Variants in RBFOX1 observed in about 807,000 individuals in gnomAD.
RBFOX1 encodes the protein RNA binding fox-1 homolog 1, also known as RNA binding protein fox-1 homolog 1.
In RBFOX1, 8 loss-of-function variants were observed where a neutral mutation model predicts 57.7. That is an observed-to-expected ratio of 0.14 (90% CI 0.08 to 0.25). RBFOX1 has a LOEUF of 0.25. Among genes scored for constraint, RBFOX1 ranks in the 10% least tolerant of loss-of-function variants. The pLI, the probability that RBFOX1 is intolerant of heterozygous loss-of-function variation, is 1.00. For missense variants in RBFOX1, 611 were observed against 548.5 expected, an observed-to-expected ratio of 1.11 and a Z score of -1.14; for synonymous variants, 326 against 222.4, an observed-to-expected ratio of 1.47 and a Z score of -4.15.
At chr16:6,695,413 CAAA>C (rs71145278) in intron 3 of RBFOX1, among the ~76,000 whole-genome samples, 220 of 109,060 alleles carry the variant, frequency 2.0e-3, no homozygotes, top group East Asian at 0.01. Context: ...GAAACTCTGT[CAAA>C]AAAAAAAAAA....
intron 4 of RBFOX1, among the ~76,000 whole-genome samples, chr16:7,209,467 A>G (rs1360868979): frequency 6.6e-6 from 1 of 152,150 alleles, no homozygotes; most frequent in Non-Finnish European, 1.5e-5. Context: ...TTGGATAATA[A>G]CCTCAAGGCC....
chr16:5,966,520 C>T (rs2059846581), intron 4 of RBFOX1, among the ~76,000 whole-genome samples: 1 of 152,174 alleles, frequency 6.6e-6, no homozygotes, highest in Admixed American at 6.5e-5. Context: ...CGCAATGGCG[C>T]GTTCTCGGCT....
At chr16:7,172,469 C>A (rs987564772) in intron 4 of RBFOX1, among the ~76,000 whole-genome samples, 1 of 152,182 alleles carries the variant, frequency 6.6e-6, no homozygotes, top group Non-Finnish European at 1.5e-5. Flanking sequence ...CCCACAACCA[C>A]CCTTTGATCC....
intron 3 of RBFOX1, among the ~76,000 whole-genome samples, chr16:6,999,127 C>T (rs1364689000): frequency 1.3e-5 from 2 of 151,396 alleles, no homozygotes; most frequent in African/African-American, 4.8e-5. Context: ...CCTCTGCCTC[C>T]CAAAGTACAG....
rs551035651 is a variant in RBFOX1, at chr16:6,973,221, C to T, written c.-15-78836C>T. On this transcript the variant is annotated intron_variant, in intron 3 of 15. Coordinates refer to ENST00000550418, the MANE Select transcript of RBFOX1 (RefSeq NM_018723.4). Reference sequence around the variant, plus strand: ...GGTGGGGGGCGGGGTTGGAGGATATCAGGGGTTCTTCCCCATTAATAGCAT... The same window carrying T: ...GGTGGGGGGCGGGGTTGGAGGATATTAGGGGTTCTTCCCCATTAATAGCAT... Among the ~76,000 whole-genome samples, 11 of 152,058 alleles carry T rather than the reference C, an allele frequency of 7.2e-5. No homozygotes were observed. The East Asian group carries it at 7.7e-4, about 11-fold the overall frequency.
chr16:6,655,403 AGAG>A (rs748682537), intron 3 of RBFOX1, among the ~76,000 whole-genome samples: 49 of 127,536 alleles, frequency 3.8e-4, no homozygotes, highest in South Asian at 9.1e-4. Context: ...AAAAAAAAAA[AGAG>A]CTCGCGCTCA....
At chr16:6,885,709 T>TC (rs1181781993) in intron 3 of RBFOX1, among the ~76,000 whole-genome samples, 1 of 152,022 alleles carries the variant, frequency 6.6e-6, no homozygotes, top group African/African-American at 2.4e-5. Flanking sequence ...TTTTTCTATC[T>TC]TTAGTAGAGA....
chr16:5,908,484 C>T (rs1376939236), intron 4 of RBFOX1, among the ~76,000 whole-genome samples: 1 of 151,796 alleles, frequency 6.6e-6, no homozygotes, highest in Non-Finnish European at 1.5e-5. Context: ...TCCCAAGTAG[C>T]AGGGATTACA....
At chr16:6,504,035 T>C (rs931593101) in intron 2 of RBFOX1, among the ~76,000 whole-genome samples, 4 of 152,240 alleles carry the variant, frequency 2.6e-5, no homozygotes, top group African/African-American at 9.6e-5. Context: ...ATCTTTCTTA[T>C]CTTTTATTGT....
At chr16:6,142,189 CAAAAAAAA>C (rs71142685) in intron 1 of RBFOX1, among the ~76,000 whole-genome samples, 25 of 49,096 alleles carry the variant, frequency 5.1e-4, no homozygotes, top group East Asian at 2.5e-3. Context: ...GCTGCTGCTG[CAAAAAAAA>C]AAAAAAAAAA....
intron 2 of RBFOX1, among the ~76,000 whole-genome samples, chr16:6,649,293 A>G (rs1457888255): frequency 6.6e-6 from 1 of 152,194 alleles, no homozygotes; most frequent in Non-Finnish European, 1.5e-5. Flanking sequence ...TAAGGCTGAA[A>G]TGGTATTCTG....
chr16:7,561,886 A>T (rs755919534), intron 5 of RBFOX1, among the ~76,000 whole-genome samples: 1 of 152,184 alleles, frequency 6.6e-6, no homozygotes, highest in Non-Finnish European at 1.5e-5. Context: ...TTAGGGGGGA[A>T]ATCTTTGAGC....
chr16:6,969,171 C>A (rs2084957747), intron 3 of RBFOX1, among the ~76,000 whole-genome samples: 1 of 152,110 alleles, frequency 6.6e-6, no homozygotes, highest in South Asian at 2.1e-4. Flanking sequence ...AAATAGGTAA[C>A]TTAACTTCTC....
At chr16:6,603,930 G>A (rs573919102) in intron 2 of RBFOX1, among the ~76,000 whole-genome samples, 2 of 147,906 alleles carry the variant, frequency 1.4e-5, no homozygotes, top group Non-Finnish European at 3.0e-5. Flanking sequence ...CGAGGGGGCT[G>A]TTCAGTGAAG....
chr16:7,421,389 T>C (rs1277779369), intron 4 of RBFOX1, among the ~76,000 whole-genome samples: 1 of 152,184 alleles, frequency 6.6e-6, no homozygotes, highest in Non-Finnish European at 1.5e-5. Flanking sequence ...TGGACACTTT[T>C]CCATCTAGGA....
chr16:6,552,016 C>T (rs548650648), intron 2 of RBFOX1, among the ~76,000 whole-genome samples: 13 of 152,280 alleles, frequency 8.5e-5, no homozygotes, highest in African/African-American at 3.1e-4. Flanking sequence ...TCTATTAGTT[C>T]AGCAGGAGAG....
intron 3 of RBFOX1, among the ~76,000 whole-genome samples, chr16:6,955,639 G>C (rs1598316041): frequency 6.6e-6 from 1 of 151,820 alleles, no homozygotes; most frequent in Non-Finnish European, 1.5e-5. Context: ...AAAATTAATA[G>C]TATTTTTCAT....
At chr16:7,429,465 A>G (rs1392538784) in intron 4 of RBFOX1, among the ~76,000 whole-genome samples, 1 of 152,210 alleles carries the variant, frequency 6.6e-6, no homozygotes, top group African/African-American at 2.4e-5. Flanking sequence ...AGCACACTGT[A>G]CTTTTCCTTC....
At chr16:6,505,255 A>G (rs1730519627) in intron 2 of RBFOX1, among the ~76,000 whole-genome samples, 1 of 152,208 alleles carries the variant, frequency 6.6e-6, no homozygotes, top group African/African-American at 2.4e-5. Context: ...AGTATGTCAC[A>G]GTCAATAGCA....
Sources: gnomAD v4.1 joint callset for allele counts (sites outside exome capture counted in the v4.1 genomes callset) on GRCh38, gnomAD v4.1.1 for gene constraint, MANE v1.5 for transcripts, NCBI Gene and HGNC (gene_info 2026-07-23, HGNC 2026-07-21) for gene names.